TET2: variants seen among roughly 807,000 people sequenced by gnomAD.
TET2 encodes the protein tet methylcytosine dioxygenase 2, also known as methylcytosine dioxygenase TET2.
Under a neutral mutation model 142.9 loss-of-function variants are expected in TET2, and 299 were observed. The ratio of observed to expected loss-of-function variants is 2.09; its 90% CI spans 1.90 to 2.30. The LOEUF is 2.30. Among genes scored for constraint, TET2 ranks in the 30% most tolerant of loss-of-function variants. The pLI is 0.00. For missense variants in TET2, 2,418 were observed against 2,378.0 expected (o/e 1.02, Z -0.35); for synonymous variants, 819 against 849.0 (o/e 0.96, Z 0.61).
At chr4:105,259,877 T>C in intron 7 of TET2, 108 bp downstream of exon 7, 1 of 1,128,836 alleles carries the variant, frequency 8.9e-7, no homozygotes, top group Non-Finnish European at 1.2e-6. Flanking sequence ...TTAATCAAAG[T>C]TTTTCCCAAA....
rs1483246312 is a variant in TET2 at position 105,235,299 on chromosome 4, G to A, written c.1357G>A (p.Gly453Ser). 5 of 1,613,946 alleles carry A rather than the reference G, an allele frequency of 3.1e-6. No individual in the cohort carries two copies. Among genetic ancestry groups the A allele is most frequent in the South Asian group, 1.1e-5 (1 of 91,070 alleles). ...TTLLREVKIE[G>S]KPEAPPSQSP... ...ACTTTTAAGGGAAGTGAAAATAGAG[G>A]GTAAACCTGAGGCACCACCTTCCCA... Residue 453 changes from glycine (G) to serine (S), a missense_variant, in exon 3 of 11, where the codon GGT becomes AGT. Transcript: ENST00000380013.
At chr4:105,257,799 G>A (rs1578713491) in intron 6 of TET2, among the ~76,000 whole-genome samples, 1 of 152,278 alleles carries the variant, frequency 6.6e-6, no homozygotes, top group African/African-American at 2.4e-5. Flanking sequence ...ACCTGAGTCA[G>A]TGACAATATT....
Position 105,276,194 on chromosome 4 carries a change from C to G in TET2, c.5684C>G (p.Thr1895Ser), listed in dbSNP as rs2110316112. 1 of 1,551,640 alleles carries G rather than the reference C, an allele frequency of 6.4e-7. No homozygotes were observed. The change falls in exon 11 of 11, where the codon ACC becomes AGC. Residue 1895 changes from threonine (T) to serine (S), a missense_variant. By Grantham distance (58) the Thr-to-Ser change is moderately conservative (BLOSUM62 1). Transcript: ENST00000380013. ...AAGAATCCCAATAGGAATCACCCCA[C>G]CAGGATCTCCCTCGTCTTTTACCAG... The part of the protein sequence containing the change: ...PLKNPNRNHP[T>S]RISLVFYQHK...
chr4:105,148,310 G>T (rs939243745), intron 1 of TET2, among the ~76,000 whole-genome samples: 1 of 152,112 alleles, frequency 6.6e-6, no homozygotes, highest in African/African-American at 2.4e-5. Flanking sequence ...TAATGTTTAA[G>T]AATTGAGAAA....
Position 105,234,118 on chromosome 4 carries a change from GT to G in TET2, c.178del (p.Tyr60IlefsTer7). On this transcript the variant is annotated frameshift_variant, in exon 3 of 11. Coordinates refer to ENST00000380013, the MANE Select transcript of TET2 (RefSeq NM_001127208.3). LOFTEE classifies it high-confidence loss of function. ...NGDTKWHSFKSYYGIPCMKGS... is the reference protein window; with the variant it reads ...NGDTKWHSFKXYYGIPCMKGS... ...GACACCAAGTGGCACTCTTTCAAAA[GT>G]TATTATGGAATACCCTGTATGAAGG... 1 of 1,614,130 alleles carries G rather than the reference GT, an allele frequency of 6.2e-7. No individual in the cohort carries two copies. Among genetic ancestry groups the G allele is most frequent in the Non-Finnish European group, 8.5e-7 (1 of 1,180,018 alleles).
At position 105,237,018 on chromosome 4, in the gene TET2, G is replaced by T; in HGVS notation, c.3076G>T (p.Glu1026Ter). The T allele has an allele frequency of 6.2e-7, 1 of 1,614,164 alleles. No homozygotes were observed. The highest frequency in any genetic ancestry group is 8.5e-7 in the Non-Finnish European group (1 of 1,180,022). Residue 1026 changes from glutamate to a stop codon, truncating the protein, a stop_gained, in exon 3 of 11, where the codon GAG becomes TAG. Coordinates refer to ENST00000380013, the MANE Select transcript of TET2 (RefSeq NM_001127208.3). LOFTEE classifies it high-confidence loss of function. Reference sequence around the variant, plus strand: ...TAATGTGCAGCAAAAGAGCATCATTGAGACCATGGAGCAGCATCTGAAGCA... The same window carrying T: ...TAATGTGCAGCAAAAGAGCATCATTTAGACCATGGAGCAGCATCTGAAGCA... The part of the protein sequence containing the change: ...CDNVQQKSII[E>*]TMEQHLKQFH...
chr4:105,180,047 T>C (rs1038789186), intron 1 of TET2, among the ~76,000 whole-genome samples: 1 of 152,220 alleles, frequency 6.6e-6, no homozygotes, highest in African/African-American at 2.4e-5. Context: ...GTTACAGTAG[T>C]TATGCCTTTC....
chr4:105,213,752 C>T (rs1727307312), intron 2 of TET2, among the ~76,000 whole-genome samples: 1 of 152,204 alleles, frequency 6.6e-6, no homozygotes, highest in Admixed American at 6.6e-5. Context: ...ACTCTATGAT[C>T]TGCTTCTAAA....
chr4:105,152,957 G>T (rs1174877322), intron 1 of TET2, among the ~76,000 whole-genome samples: 2 of 152,090 alleles, frequency 1.3e-5, no homozygotes, highest in African/African-American at 4.8e-5. Flanking sequence ...TGGTGATGAT[G>T]GTAGGAGTAA....
rs1475063541 is a variant in TET2, at chr4:105,272,723, A to C, written c.4342A>C (p.Ser1448Arg). ...ACGGAGTGGTGCCATTCAGGTACTG[A>C]GTTCTTTTCGGCGAAAAGTCAGGAT... ...KKRSGAIQVL[S>R]SFRRKVRMLA... Residue 1448 changes from serine (S) to arginine (R), a missense_variant, in exon 10 of 11, where the codon AGT becomes CGT. Coordinates refer to ENST00000380013, the MANE Select transcript of TET2 (RefSeq NM_001127208.3). The C allele has an allele frequency of 1.3e-6, 2 of 1,551,608 alleles. No homozygotes were observed. The highest frequency in any genetic ancestry group is 1.7e-6 in the Non-Finnish European group (2 of 1,147,008).
intron 1 of TET2, among the ~76,000 whole-genome samples, chr4:105,176,861 A>G (rs902346171): frequency 6.6e-6 from 1 of 152,220 alleles, no homozygotes; most frequent in African/African-American, 2.4e-5. Context: ...CCTGGCTTTA[A>G]AGCTTACTAT....
chr4:105,204,266 C>CACACACACACACAT (rs1443852779), intron 2 of TET2, among the ~76,000 whole-genome samples: 35 of 140,132 alleles, frequency 2.5e-4, no homozygotes, highest in African/African-American at 9.5e-4. Flanking sequence ...CACACACACA[C>CACACACACACACAT]ACATACATAC....
Position 105,243,891 on chromosome 4 carries a change from C to G in TET2, c.3803+113C>G, listed in dbSNP as rs1236907111. ...ACTTTTACATTTATAAAATGGGCATCAAAATGCCTGTTTGGCAGTCATGCG... is the reference window on the plus strand; with the variant it reads ...ACTTTTACATTTATAAAATGGGCATGAAAATGCCTGTTTGGCAGTCATGCG... On this transcript the variant is annotated intron_variant, in intron 6 of 10. Transcript: ENST00000380013. The G allele has an allele frequency of 1.0e-5, 9 of 903,566 alleles. No individual in the cohort carries two copies. The African/African-American group carries it at 1.2e-4, about 12-fold the overall frequency. 56.0% of individuals were successfully genotyped at this position (903,566 alleles called of 1,614,324 possible).
intron 2 of TET2, among the ~76,000 whole-genome samples, chr4:105,197,184 T>A (rs986431298): frequency 1.3e-5 from 2 of 152,218 alleles, no homozygotes; most frequent in African/African-American, 4.8e-5. Context: ...TTTGTGAGGT[T>A]TTAGCTATTT....
At chr4:105,260,315 T>C (rs1353705937) in intron 7 of TET2, among the ~76,000 whole-genome samples, 1 of 152,172 alleles carries the variant, frequency 6.6e-6, no homozygotes, top group Non-Finnish European at 1.5e-5. Flanking sequence ...GTATTTCTTA[T>C]AATTTGCAAA....
At position 105,278,705 on chromosome 4, in the gene TET2, A is replaced by C. The variant is rs539368221; in HGVS notation, c.*2186A>C. 3.8e-4 allele frequency: 88 copies of C among 232,860 alleles called. No individual in the cohort carries two copies. The highest frequency in any genetic ancestry group is 2.0e-3 in the Admixed American group (35 of 17,782). The allele number at this position is 232,860 out of a possible 1,614,324, so 14.4% of individuals were successfully genotyped here. A position where few individuals can be genotyped will look rare whatever the true frequency, so the allele number is the denominator to read the frequency against. On this transcript the variant is annotated 3_prime_UTR_variant, in exon 11 of 11. Coordinates refer to ENST00000380013, the MANE Select transcript of TET2 (RefSeq NM_001127208.3). ...GAAAAGCATTTTAAAAGTTTGAGGAATCTTTTGACTGTTTCAAGCAGGAAA... is the reference window on the plus strand; with the variant it reads ...GAAAAGCATTTTAAAAGTTTGAGGACTCTTTTGACTGTTTCAAGCAGGAAA...
chr4:105,249,007 T>C (rs1188616808), intron 6 of TET2, among the ~76,000 whole-genome samples: 3 of 150,498 alleles, frequency 2.0e-5, no homozygotes, highest in Admixed American at 1.3e-4. Flanking sequence ...TTTTCTTTTT[T>C]TTTTTTTTGT....
At chr4:105,267,342 A>G (rs1358526200) in intron 8 of TET2, among the ~76,000 whole-genome samples, 1 of 152,074 alleles carries the variant, frequency 6.6e-6, no homozygotes, top group Admixed American at 6.6e-5. Flanking sequence ...TGGTTAAAAG[A>G]CTTTTAAAAA....
At position 105,275,298 on chromosome 4, in the gene TET2, CT is replaced by C; in HGVS notation, c.4790del (p.Phe1597SerfsTer13). On this transcript the variant is annotated frameshift_variant, in exon 11 of 11. Coordinates refer to ENST00000380013, the MANE Select transcript of TET2 (RefSeq NM_001127208.3). LOFTEE classifies it low-confidence loss of function (END_TRUNC). ...TCTATGGAAGCACCAGCCCTATGAA[CT>C]TCTATTCCACCTCATCTCAAGCTGC... ...DIYGSTSPMNFYSTSSQAAGS... is the reference protein window; with the variant it reads ...DIYGSTSPMNXYSTSSQAAGS... 6.4e-7 allele frequency: 1 copy of C among 1,552,134 alleles called. No homozygotes were observed. Among genetic ancestry groups the C allele is most frequent in the Non-Finnish European group, 8.7e-7 (1 of 1,147,072 alleles).
Sources: gnomAD v4.1 joint callset for allele counts (sites outside exome capture counted in the v4.1 genomes callset) on GRCh38, gnomAD v4.1.1 for gene constraint, MANE v1.5 for transcripts, NCBI Gene and HGNC (gene_info 2026-07-23, HGNC 2026-07-21) for gene names.